The following ALMS1 variants were observed in gnomAD, a reference collection of about 807,000 sequenced individuals.
ALMS1 encodes centrosome-associated protein ALMS1.
A neutral mutation model predicts 352.2 loss-of-function variants in ALMS1; 271 were observed. The ratio of observed to expected loss-of-function variants is 0.77; its 90% CI spans 0.70 to 0.85. The LOEUF is 0.85. Ranked by LOEUF, ALMS1 falls within the 40% of genes least tolerant of loss-of-function variation. The probability of loss-of-function intolerance (pLI) is 0.00; values close to 1 mark genes in which losing one functional copy is unlikely to be tolerated. For synonymous variants in ALMS1, 1,865 were observed against 1,761.2 expected, an observed-to-expected ratio of 1.06 and a Z score of -1.48; for missense variants, 5,445 against 4,870.7, an observed-to-expected ratio of 1.12 and a Z score of -3.51.
intron 9 of ALMS1, among the ~76,000 whole-genome samples, chr2:73,461,190 G>A (rs1239767721): frequency 2.0e-5 from 3 of 152,240 alleles, no homozygotes; most frequent in African/African-American, 7.2e-5. Context: ...GCACCCCCCA[G>A]GAGGGGCAGA....
At chr2:73,515,092 GC>G (rs776941940) in intron 10 of ALMS1, among the ~76,000 whole-genome samples, 2 of 152,084 alleles carry the variant, frequency 1.3e-5, no homozygotes, top group African/African-American at 2.4e-5. Flanking sequence ...ATATGACTGT[GC>G]CCCGTGAGTC....
At chr2:73,414,250 TACTG>T (rs1433993286) in intron 2 of ALMS1, among the ~76,000 whole-genome samples, 8 of 152,094 alleles carry the variant, frequency 5.3e-5, no homozygotes, top group African/African-American at 9.6e-5. Flanking sequence ...TTGTTAGACT[TACTG>T]GTATTTTTAG....
intron 11 of ALMS1, among the ~76,000 whole-genome samples, chr2:73,524,898 C>A (rs750595884): frequency 1.3e-5 from 2 of 152,204 alleles, no homozygotes; most frequent in Admixed American, 6.5e-5. Context: ...ACTACCCTTC[C>A]CAGTCTCTGG....
At position 73,450,448 on chromosome 2, in the gene ALMS1, T is replaced by C. The variant is rs948851454; in HGVS notation, c.3921T>C (p.Thr1307=). 4 of 1,613,688 alleles carry C rather than the reference T, an allele frequency of 2.5e-6. No homozygotes were observed. The Admixed American group carries it at 6.7e-5, about 27-fold the overall frequency. ...AGTCGTTGCCAAGTAGTCATCTAAC[T>C]GAAGAGGCTAAGAATGTTTCAGCGG... ...YQQSLPSSHL[T]EEAKNVSAVP... Residue 1307 remains threonine (T), a synonymous_variant, in exon 8 of 23, where the codon ACT becomes ACC. Coordinates refer to ENST00000613296, the MANE Select transcript of ALMS1 (RefSeq NM_001378454.1).
chr2:73,386,268 C>T lies in ALMS1; in HGVS notation c.324+76C>T. 8 of 1,417,140 alleles carry T rather than the reference C, an allele frequency of 5.6e-6. No homozygotes were observed. The South Asian group carries it at 1.2e-4, about 21-fold the overall frequency. The allele number at this position is 1,417,140 out of a possible 1,614,324, so 87.8% of individuals were successfully genotyped here. ...GCTGGGCCCCGAGCGCTCCGCCCGC[C>T]CGCAGGTCACGCCGCCTGACGGAGA... On this transcript the variant is annotated intron_variant, in intron 1 of 22. Coordinates refer to ENST00000613296, the MANE Select transcript of ALMS1 (RefSeq NM_001378454.1).
At chr2:73,567,329 C>T (rs187909739) in intron 15 of ALMS1, among the ~76,000 whole-genome samples, 2 of 152,308 alleles carry the variant, frequency 1.3e-5, no homozygotes, top group Admixed American at 6.5e-5. Flanking sequence ...CTTTATCACT[C>T]GCTCTTGAAC....
intron 11 of ALMS1, among the ~76,000 whole-genome samples, chr2:73,534,059 T>C (rs1573000464): frequency 6.6e-6 from 1 of 152,142 alleles, no homozygotes; most frequent in East Asian, 1.9e-4. Flanking sequence ...TTTAATCTGG[T>C]ATAACCATAA....
chr2:73,412,984 C>CT (rs1341198453), intron 2 of ALMS1, among the ~76,000 whole-genome samples: 1 of 149,814 alleles, frequency 6.7e-6, no homozygotes, highest in African/African-American at 2.5e-5. Context: ...TCAGTTTTTT[C>CT]TTTTTTTCTT....
intron 11 of ALMS1, among the ~76,000 whole-genome samples, chr2:73,533,602 T>C (rs1673966522): frequency 6.6e-6 from 1 of 152,146 alleles, no homozygotes; most frequent in African/African-American, 2.4e-5. Flanking sequence ...CACACATGGC[T>C]GTAAGGGAGA....
Position 73,582,444 on chromosome 2 carries a change from G to A in ALMS1, c.11547+9020G>A, listed in dbSNP as rs185284047. 3.3e-3 allele frequency among the ~76,000 whole-genome samples: 501 copies of A among 152,254 alleles called. 2 individuals carry two copies. The highest frequency in any genetic ancestry group is 0.012 in the African/African-American group (490 of 41,536). On this transcript the variant is annotated intron_variant, in intron 16 of 22. Transcript: ENST00000613296. ...AGTGTACAAGTCAATAATGTTAAAT[G>A]TATTCACACTATGTTGAAACCAATC...
intron 9 of ALMS1, among the ~76,000 whole-genome samples, chr2:73,487,102 G>T (rs1672865255): frequency 6.6e-6 from 1 of 152,202 alleles, no homozygotes; most frequent in African/African-American, 2.4e-5. Flanking sequence ...CAGGGTGTCA[G>T]TTTGCAAGCT....
intron 21 of ALMS1, among the ~76,000 whole-genome samples, chr2:73,607,810 ATTTTTTT>A (rs537392249): frequency 2.3e-5 from 3 of 131,488 alleles, no homozygotes; most frequent in South Asian, 2.4e-4. Context: ...TGCCCACCTA[ATTTTTTT>A]TTTTTTTTTT....
At chr2:73,440,804 G>T (rs1186674462) in intron 7 of ALMS1, among the ~76,000 whole-genome samples, 1 of 152,164 alleles carries the variant, frequency 6.6e-6, no homozygotes, top group Non-Finnish European at 1.5e-5. Flanking sequence ...GGACATTTTG[G>T]ATATTATGTT....
Position 73,452,038 on chromosome 2 carries a change from TGACCA to T in ALMS1, c.5514_5518del (p.Asp1838GlufsTer10). On this transcript the variant is annotated frameshift_variant, in exon 8 of 23. Transcript: ENST00000613296. LOFTEE classifies it high-confidence loss of function. ...AAATTTTAAGAGTTCCTGGACCAGC[TGACCA>T]GAAGACTGGAATAAACATCCTGCCC... is the stretch of plus-strand genomic sequence containing the variant. 1 of 1,614,130 alleles carries T rather than the reference TGACCA, an allele frequency of 6.2e-7. No homozygotes were observed.
At chr2:73,432,065 T>A in intron 6 of ALMS1, 133 bp from the exon 7 acceptor site, 1 of 679,786 alleles carries the variant, frequency 1.5e-6, no homozygotes, top group East Asian at 2.9e-5. Flanking sequence ...TTTGTAAAAA[T>A]GAAGGATTAT....
intron 16 of ALMS1, among the ~76,000 whole-genome samples, chr2:73,592,635 A>T (rs1324714913): frequency 6.6e-6 from 1 of 152,202 alleles, no homozygotes; most frequent in South Asian, 2.1e-4. Context: ...AGCAGTACCA[A>T]TCCTCCTGCC....
chr2:73,426,345 A>T, intron 5 of ALMS1, 108 bp from the exon 6 acceptor site: 1 of 1,058,074 alleles, frequency 9.5e-7, no homozygotes, highest in East Asian at 2.4e-5. Context: ...GTCGCCCAAG[A>T]GACATTGCTG....
At position 73,421,809 on chromosome 2, in the gene ALMS1, C is replaced by G. The variant is rs746851803; in HGVS notation, c.647-1048C>G. Among the ~76,000 whole-genome samples the G allele has an allele frequency of 5.7e-4, 86 of 152,180 alleles. 1 individual carries two copies. The highest frequency in any genetic ancestry group is 2.3e-3 in the South Asian group (11 of 4,820). ...GACAACATGGTGAGCTCTGTGAACT[C>G]TAGATTTGCAGTAATTTCAGGGGGA... is the stretch of plus-strand genomic sequence containing the variant. On this transcript the variant is annotated intron_variant, in intron 3 of 22. Coordinates refer to ENST00000613296, the MANE Select transcript of ALMS1 (RefSeq NM_001378454.1).
intron 10 of ALMS1, among the ~76,000 whole-genome samples, chr2:73,516,444 G>T (rs1354623707): frequency 6.6e-6 from 1 of 152,082 alleles, no homozygotes; most frequent in Non-Finnish European, 1.5e-5. Flanking sequence ...CCATTACTGG[G>T]TATATACCCA....
Sources: allele counts gnomAD v4.1 joint callset (sites outside exome capture counted in the v4.1 genomes callset), GRCh38; gene constraint gnomAD v4.1.1; transcripts MANE v1.5; gene names NCBI Gene and HGNC (gene_info 2026-07-23, HGNC 2026-07-21).